DGKZ: variants seen among roughly 807,000 people sequenced by gnomAD.
DGKZ encodes DAG kinase zeta.
Under a neutral mutation model 142.5 loss-of-function variants are expected in DGKZ, and 45 were observed. The ratio of observed to expected loss-of-function variants is 0.32; its 90% CI spans 0.25 to 0.40. DGKZ has a LOEUF of 0.40. DGKZ is among the 10% of genes least tolerant of loss of function. The probability of loss-of-function intolerance (pLI) is 1.00; values close to 1 mark genes in which losing one functional copy is unlikely to be tolerated. For synonymous variants in DGKZ, 442 were observed against 527.0 expected (o/e 0.84, Z 2.21); for missense variants, 755 against 1,306.5 (o/e 0.58, Z 6.51).
chr11:46,366,181 C>G lies in DGKZ; in HGVS notation c.162-1110C>G, dbSNP rs780947386. The G allele has an allele frequency of 2.6e-4, 374 of 1,440,470 alleles. 1 individual carries two copies. Among genetic ancestry groups the G allele is most frequent in the Admixed American group, 3.4e-4 (12 of 35,706 alleles). 89.2% of individuals were successfully genotyped at this position (1,440,470 alleles called of 1,614,324 possible). A position where few individuals can be genotyped will look rare whatever the true frequency, so the allele number is the denominator to read the frequency against. On this transcript the variant is annotated intron_variant, in intron 1 of 30. Transcript: ENST00000527911. ...GGGGCAGAGGCTGTGAATGGGCTCC[C>G]GGACACAGGACAGACCGTGGCCTGA...
intron 1 of DGKZ, among the ~76,000 whole-genome samples, chr11:46,354,972 G>A (rs1253747908): frequency 2.0e-5 from 3 of 152,170 alleles, no homozygotes; most frequent in Non-Finnish European, 4.4e-5. Flanking sequence ...GCAGTTTTTC[G>A]CTATTGCAAG....
In DGKZ at chr11:46,333,375, G is replaced by A. The variant is rs1415446259; in HGVS notation, c.100G>A (p.Glu34Lys). 4 of 1,389,678 alleles carry A rather than the reference G, an allele frequency of 2.9e-6. No homozygotes were observed. Among genetic ancestry groups the A allele is most frequent in the Admixed American group, 3.7e-5 (1 of 26,776 alleles). The allele number at this position is 1,389,678 out of a possible 1,614,324, so 86.1% of individuals were successfully genotyped here. ...GGTGCGGCGGCGATGCCGGCGCGGGGAGGAGGCCCAGGTCGCGCAGCCCTG... is the reference window on the plus strand; with the variant it reads ...GGTGCGGCGGCGATGCCGGCGCGGGAAGGAGGCCCAGGTCGCGCAGCCCTG... Residue 34 changes from glutamate to lysine, a missense_variant, in exon 1 of 31, where the codon GAG (glutamate) becomes AAG (lysine). Coordinates refer to the DGKZ transcript ENST00000343674.
At chr11:46,364,420 C>G (rs1431666387) in intron 1 of DGKZ, 3 of 1,288,098 alleles carry the variant, frequency 2.3e-6, no homozygotes, top group Non-Finnish European at 3.0e-6. Context: ...ACCCAGCGCT[C>G]TCCACCCATG....
At chr11:46,364,302 G>T (rs1024867663) in intron 1 of DGKZ, 86 of 1,183,436 alleles carry the variant, frequency 7.3e-5, no homozygotes, top group Non-Finnish European at 8.7e-5. Context: ...CTATTCCTTG[G>T]GGTTGCAGTT....
In DGKZ at chr11:46,376,073, G is replaced by A. The variant is rs775551960; in HGVS notation, c.2019G>A (p.Pro673=). The stretch of plus-strand genomic sequence containing the variant: ...AGGTGCTCTGTTCTCCAGCTGTGCC[G>A]CTGGGCACTGTGGTGGTCCCAGGAG... The change falls in exon 22 of 31, where the codon CCG becomes CCA. Residue 673 remains proline (P), a synonymous_variant. Coordinates refer to ENST00000527911, the Ensembl canonical transcript of DGKZ. 55 of 1,611,860 alleles carry A rather than the reference G, an allele frequency of 3.4e-5. No individual in the cohort carries two copies. Among genetic ancestry groups the A allele is most frequent in the African/African-American group, 5.3e-5 (4 of 74,876 alleles).
rs531567175 is a variant in DGKZ, at chr11:46,373,295, T to G, written c.1326+194T>G. On this transcript the variant is annotated intron_variant, in intron 14 of 30. Coordinates refer to ENST00000527911, the Ensembl canonical transcript of DGKZ. Reference sequence around the variant, plus strand: ...CTGTGTTTTTTTTTTGTTTTTTTTTTTTTTTTTTTGAGACTGAGTCTCGCT... The same window carrying G: ...CTGTGTTTTTTTTTTGTTTTTTTTTGTTTTTTTTTGAGACTGAGTCTCGCT... Among the ~76,000 whole-genome samples, 55 of 143,546 alleles carry G rather than the reference T, an allele frequency of 3.8e-4. No individual in the cohort carries two copies. The East Asian group carries it at 8.3e-3, about 22-fold the overall frequency. 94.2% of individuals were successfully genotyped at this position (143,546 alleles called of 152,430 possible).
At chr11:46,378,776 T>G in intron 27 of DGKZ, 1 of 906,606 alleles carries the variant, frequency 1.1e-6, no homozygotes, top group South Asian at 1.4e-5. Flanking sequence ...CAGGGCTTGG[T>G]CACCAGTGCT....
chr11:46,380,169 C>G (rs1485777092), exon 31 of DGKZ: 1 of 534,780 alleles, frequency 1.9e-6, no homozygotes, highest in Non-Finnish European at 3.3e-6. Context: ...CCCGGAGGCT[C>G]ACAGGGAACA....
exon 31 of DGKZ, chr11:46,379,870 A>G (rs1259014936): frequency 2.5e-6 from 4 of 1,610,584 alleles, no homozygotes; most frequent in South Asian, 1.1e-5. Flanking sequence ...GGCTCAGGAC[A>G]CCGAGCTGGC....
rs1456716436 is a variant in DGKZ, at chr11:46,372,222, A to C, written c.927+52A>C. 1.3e-6 allele frequency: 2 copies of C among 1,495,156 alleles called. No homozygotes were observed. Among genetic ancestry groups the C allele is most frequent in the Non-Finnish European group, 1.8e-6 (2 of 1,103,028 alleles). The allele number at this position is 1,495,156 out of a possible 1,614,324, so 92.6% of individuals were successfully genotyped here. On this transcript the variant is annotated intron_variant, in intron 10 of 30. Transcript: ENST00000527911. This position sits in a 1 kb window ranked among gnomAD's most constrained non-coding sequence, Gnocchi z 5.9. ...AGGGCTCGGGCGGGGGTTGGGGTCC[A>C]GCCCGTCTGCCAGCAGCTGTTCCCA...
exon 19 of DGKZ, chr11:46,375,039 G>T: frequency 6.3e-7 from 1 of 1,597,716 alleles, no homozygotes; most frequent in Non-Finnish European, 8.5e-7. Flanking sequence ...TCACCATGAC[G>T]TCGTTGGTGA....
rs748374108 is a variant in DGKZ, at chr11:46,369,395, C to G, written c.445-99C>G. 1.1e-5 allele frequency: 16 copies of G among 1,430,388 alleles called. No individual in the cohort carries two copies. The South Asian group carries it at 1.8e-4, about 17-fold the overall frequency. 88.6% of individuals were successfully genotyped at this position (1,430,388 alleles called of 1,614,324 possible). On this transcript the variant is annotated intron_variant, in intron 4 of 30. Transcript: ENST00000527911. ...CGTGACGATTTGGGGGTATCCCCAC[C>G]TTGTGAGGATGACTCTGGGTTGTCC...
chr11:46,372,694 G>A lies in DGKZ; in HGVS notation c.1071+17G>A. 1.2e-6 allele frequency: 2 copies of A among 1,612,788 alleles called. No individual in the cohort carries two copies. Among genetic ancestry groups the A allele is most frequent in the Non-Finnish European group, 1.7e-6 (2 of 1,179,718 alleles). On this transcript the variant is annotated intron_variant, in intron 12 of 30. Coordinates refer to ENST00000527911, the Ensembl canonical transcript of DGKZ. This position sits in a 1 kb window ranked among gnomAD's most constrained non-coding sequence, Gnocchi z 5.9. ...GACGGCACGGTGAGCTCCCCGCATG[G>A]GCCAGCCGAGCACCAGGGCTGGGCC...
exon 31 of DGKZ, chr11:46,379,840 C>T: frequency 6.2e-7 from 1 of 1,609,936 alleles, no homozygotes. Flanking sequence ...GGGCGACACT[C>T]CCCGGCAGCG....
intron 25 of DGKZ, chr11:46,377,699 T>A (rs895562205): frequency 4.6e-6 from 1 of 218,326 alleles, no homozygotes; most frequent in Non-Finnish European, 9.1e-6. Flanking sequence ...TGCACTGGGC[T>A]CCCAGCCCCC....
chr11:46,378,416 A>C (rs766773573), intron 26 of DGKZ, 41 bp from the exon 27 acceptor site: 1 of 1,566,452 alleles, frequency 6.4e-7, no homozygotes. Context: ...ACCCAAGCCC[A>C]GGCCTCCGAC....
intron 30 of DGKZ, 131 bp from the exon 31 acceptor site, chr11:46,379,700 G>A: frequency 7.9e-7 from 1 of 1,269,126 alleles, no homozygotes; most frequent in South Asian, 1.5e-5. Context: ...GAGCCAGCAG[G>A]GGAGGAGCTG....
At position 46,379,119 on chromosome 11, in the gene DGKZ, G is replaced by C; in HGVS notation, c.2539+8G>C. Reference sequence around the variant, plus strand: ...GCTACCTGCTGGACCACGGTGAGCCGGGCAGTGGAGCCCAGGGCCTGGGGC... The same window carrying C: ...GCTACCTGCTGGACCACGGTGAGCCCGGCAGTGGAGCCCAGGGCCTGGGGC... On this transcript the variant is annotated splice_region_variant and intron_variant, in intron 28 of 30. Coordinates refer to ENST00000527911, the Ensembl canonical transcript of DGKZ. 6.2e-7 allele frequency: 1 copy of C among 1,609,322 alleles called. No individual in the cohort carries two copies. The highest frequency in any genetic ancestry group is 8.5e-7 in the Non-Finnish European group (1 of 1,179,250).
intron 1 of DGKZ, among the ~76,000 whole-genome samples, chr11:46,363,672 T>C (rs1942938391): frequency 6.6e-6 from 1 of 152,200 alleles, no homozygotes; most frequent in Non-Finnish European, 1.5e-5. Context: ...CTCCCCCCAC[T>C]GACTGTGGCC....
Sources: allele counts gnomAD v4.1 joint callset (sites outside exome capture counted in the v4.1 genomes callset), GRCh38; gene constraint gnomAD v4.1.1; non-coding constraint Gnocchi (gnomAD v3.1); transcripts MANE v1.5; gene names NCBI Gene and HGNC (gene_info 2026-07-23, HGNC 2026-07-21).